CAB39L: variants seen among roughly 807,000 people sequenced by gnomAD.
CAB39L encodes the protein calcium-binding protein 39-like.
CAB39L carries 23 observed loss-of-function variants against 39.1 expected under a neutral mutation model. The observed-to-expected ratio is 0.59, with a 90% CI of 0.42 to 0.83. The LOEUF is 0.83. Ranked by LOEUF, CAB39L falls within the 40% of genes least tolerant of loss-of-function variation. The pLI, the probability that CAB39L is intolerant of heterozygous loss-of-function variation, is 0.00. For missense variants in CAB39L, 366 were observed against 391.9 expected (o/e 0.93, Z 0.56); for synonymous variants, 126 against 137.2 (o/e 0.92, Z 0.57).
Position 49,310,652 on chromosome 13 carries a change from T to G in CAB39L, c.*162A>C. On this transcript the variant is annotated 3_prime_UTR_variant, in exon 11 of 11. Coordinates refer to ENST00000409308, the MANE Select transcript of CAB39L (RefSeq NM_001079670.3). ...AAATGAATATATTATTCTAGGTTAA[T>G]TTTTTTCCATTCAAATGTTTATACT... 1 of 572,646 alleles carries G rather than the reference T, an allele frequency of 1.7e-6. No individual in the cohort carries two copies. Among genetic ancestry groups the G allele is most frequent in the Non-Finnish European group, 3.0e-6 (1 of 332,302 alleles). 35.5% of individuals were successfully genotyped at this position (572,646 alleles called of 1,614,324 possible).
intron 7 of CAB39L, among the ~76,000 whole-genome samples, chr13:49,344,926 T>C (rs1955104794): frequency 6.6e-6 from 1 of 152,196 alleles, no homozygotes; most frequent in South Asian, 2.1e-4. Context: ...GCACAATCCA[T>C]CCTTTCAAAA....
intron 9 of CAB39L, 54 bp from the exon 10 acceptor site, chr13:49,332,144 T>C (rs1954719820): frequency 6.3e-7 from 1 of 1,586,574 alleles, no homozygotes; most frequent in Non-Finnish European, 8.6e-7. Flanking sequence ...TGATTCAAAA[T>C]ATAGCTCACG....
rs532215661 is a variant in CAB39L at position 49,370,804 on chromosome 13, G to A, written c.276+6163C>T. On this transcript the variant is annotated intron_variant, in intron 5 of 10. Coordinates refer to ENST00000409308, the MANE Select transcript of CAB39L (RefSeq NM_001079670.3). ...TTTCACATCTAATTAAGAGCCTGATGCCAAATGCCATTTTTAATCACCCAT... is the reference window on the plus strand; with the variant it reads ...TTTCACATCTAATTAAGAGCCTGATACCAAATGCCATTTTTAATCACCCAT... 4.6e-5 allele frequency among the ~76,000 whole-genome samples: 7 copies of A among 152,268 alleles called. 1 individual carries two copies. The highest frequency in any genetic ancestry group is 1.7e-4 in the African/African-American group (7 of 41,562).
In CAB39L at chr13:49,310,459, T is replaced by G; in HGVS notation, c.*355A>C. 5.3e-6 allele frequency: 1 copy of G among 187,722 alleles called. No individual in the cohort carries two copies. Among genetic ancestry groups the G allele is most frequent in the South Asian group, 1.4e-4 (1 of 7,248 alleles). The allele number at this position is 187,722 out of a possible 1,614,324, so 11.6% of individuals were successfully genotyped here. The stretch of plus-strand genomic sequence containing the variant: ...TTTGCACCCTGGCCCCATTCCCAGT[T>G]CTCCCCTGAGAACTCAGTCCTCCTT... On this transcript the variant is annotated 3_prime_UTR_variant, in exon 11 of 11. Transcript: ENST00000409308.
At chr13:49,338,899 T>C (rs538537388) in intron 9 of CAB39L, among the ~76,000 whole-genome samples, 1 of 152,266 alleles carries the variant, frequency 6.6e-6, no homozygotes, top group African/African-American at 2.4e-5. Context: ...GCTCAGGGAA[T>C]GGGACCTGGT....
chr13:49,437,090 A>G (rs1957430070), intron 1 of CAB39L, among the ~76,000 whole-genome samples: 1 of 152,118 alleles, frequency 6.6e-6, no homozygotes, highest in Middle Eastern at 3.2e-3. Flanking sequence ...TGTTTTGACT[A>G]TCATTTTGTT....
intron 10 of CAB39L, among the ~76,000 whole-genome samples, chr13:49,325,445 G>A (rs1341503500): frequency 2.0e-5 from 3 of 152,184 alleles, no homozygotes; most frequent in East Asian, 3.8e-4. Flanking sequence ...TTCTCCATGA[G>A]TACGGTTAGA....
chr13:49,320,239 A>G (rs1030152905), intron 10 of CAB39L, among the ~76,000 whole-genome samples: 2 of 152,216 alleles, frequency 1.3e-5, no homozygotes, highest in African/African-American at 4.8e-5. Context: ...TGTCCAGGGT[A>G]GAAATTTTTT....
intron 3 of CAB39L, among the ~76,000 whole-genome samples, chr13:49,427,703 G>A (rs1957264770): frequency 1.3e-5 from 2 of 152,004 alleles, no homozygotes; most frequent in South Asian, 2.1e-4. Context: ...AAAAATTGTT[G>A]ACATCACTTA....
intron 5 of CAB39L, among the ~76,000 whole-genome samples, chr13:49,365,914 G>A (rs1955757879): frequency 6.6e-6 from 1 of 152,156 alleles, no homozygotes; most frequent in Non-Finnish European, 1.5e-5. Context: ...AAAAACAGAT[G>A]AGAAAATGCG....
intron 4 of CAB39L, among the ~76,000 whole-genome samples, chr13:49,378,151 G>A (rs1364828542): frequency 1.3e-5 from 1 of 78,030 alleles, no homozygotes; most frequent in Non-Finnish European, 2.6e-5. Flanking sequence ...GAGCCCCTCC[G>A]CCCGGCAGCC....
intron 4 of CAB39L, among the ~76,000 whole-genome samples, chr13:49,382,278 A>G (rs1031601709): frequency 6.6e-6 from 1 of 152,120 alleles, no homozygotes; most frequent in East Asian, 1.9e-4. Flanking sequence ...TCAATATTGT[A>G]TCATTTACTG....
intron 3 of CAB39L, among the ~76,000 whole-genome samples, chr13:49,387,489 C>T (rs13378702): frequency 0.53 from 80,254 of 152,056 alleles, 22,324 homozygotes; most frequent in African/African-American, 0.68. Context: ...CGCACATCAA[C>T]GTGCCCTCAG....
intron 5 of CAB39L, among the ~76,000 whole-genome samples, chr13:49,371,921 G>A (rs1955929707): frequency 6.6e-6 from 1 of 152,050 alleles, no homozygotes; most frequent in Admixed American, 6.5e-5. Context: ...AATGTAGCGA[G>A]AAATAATCAT....
At chr13:49,427,627 T>C (rs1471468437) in intron 3 of CAB39L, among the ~76,000 whole-genome samples, 2 of 152,120 alleles carry the variant, frequency 1.3e-5, no homozygotes, top group Non-Finnish European at 2.9e-5. Context: ...AGGTCAAGTC[T>C]GCAGTGAGCT....
At chr13:49,349,199 A>C (rs1955269109) in intron 7 of CAB39L, among the ~76,000 whole-genome samples, 1 of 152,204 alleles carries the variant, frequency 6.6e-6, no homozygotes, top group South Asian at 2.1e-4. Flanking sequence ...AGTCATAGGC[A>C]ACTTTCAATC....
chr13:49,388,471 C>T (rs1956416197), intron 3 of CAB39L, among the ~76,000 whole-genome samples: 1 of 151,998 alleles, frequency 6.6e-6, no homozygotes, highest in African/African-American at 2.4e-5. Flanking sequence ...TTCCATGAAC[C>T]AAATGCCCCA....
intron 3 of CAB39L, among the ~76,000 whole-genome samples, chr13:49,407,530 A>G (rs981968367): frequency 1.3e-5 from 2 of 151,970 alleles, no homozygotes; most frequent in Admixed American, 6.6e-5. Context: ...CTGGTTTGTC[A>G]TGATCCCCCC....
chr13:49,417,148 A>G (rs1238443567), intron 3 of CAB39L, among the ~76,000 whole-genome samples: 1 of 152,216 alleles, frequency 6.6e-6, no homozygotes, highest in Non-Finnish European at 1.5e-5. Context: ...ATTAGTGTTG[A>G]ATAGTTAATT....
Sources: gnomAD v4.1 joint callset for allele counts (sites outside exome capture counted in the v4.1 genomes callset) on GRCh38, gnomAD v4.1.1 for gene constraint, MANE v1.5 for transcripts, NCBI Gene and HGNC (gene_info 2026-07-23, HGNC 2026-07-21) for gene names.